TSPAN18: variants seen among roughly 807,000 people sequenced by gnomAD.
The protein encoded by TSPAN18 is tetraspanin 18.
In TSPAN18, 14 loss-of-function variants were observed where a neutral mutation model predicts 27.3. The ratio of observed to expected loss-of-function variants is 0.51; its 90% CI spans 0.34 to 0.80. TSPAN18 has a LOEUF of 0.80. Among genes scored for constraint, TSPAN18 ranks in the 30% least tolerant of loss-of-function variants. TSPAN18 has a pLI of 0.01. For missense variants in TSPAN18, 268 were observed against 323.9 expected (o/e 0.83, Z 1.32); for synonymous variants, 143 against 136.5 (o/e 1.05, Z -0.33).
chr11:44,814,099 G>A (rs911955066), intron 2 of TSPAN18, among the ~76,000 whole-genome samples: 36 of 152,210 alleles, frequency 2.4e-4, no homozygotes, highest in African/African-American at 4.3e-4. Context: ...GGTGGAAAAT[G>A]CCTCATTGTT....
intron 2 of TSPAN18, among the ~76,000 whole-genome samples, chr11:44,811,942 C>G (rs1856726342): frequency 6.6e-6 from 1 of 152,186 alleles, no homozygotes; most frequent in Non-Finnish European, 1.5e-5. Context: ...CAGCTCATTC[C>G]CCGGGATGAC....
chr11:44,861,446 G>A (rs1211190143), intron 3 of TSPAN18, among the ~76,000 whole-genome samples: 1 of 142,896 alleles, frequency 7.0e-6, no homozygotes, highest in African/African-American at 2.6e-5. Flanking sequence ...GGGACTGGTC[G>A]GTGCTGGGGT....
intron 8 of TSPAN18, chr11:44,925,884 G>A (rs12226141): frequency 0.28 from 42,390 of 152,074 alleles, 8,540 homozygotes; most frequent in African/African-American, 0.57. Flanking sequence ...TGAGGTGCTT[G>A]GGGTCAGAGG....
At chr11:44,807,527 C>CAAAAAAAAAAAAAAAAAAAAA (rs59241339) in intron 2 of TSPAN18, among the ~76,000 whole-genome samples, 1 of 64,482 alleles carries the variant, frequency 1.6e-5, no homozygotes, top group Non-Finnish European at 2.7e-5. Flanking sequence ...AACTCCATCT[C>CAAAAAAAAAAAAAAAAAAAAA]AAAAAAAAAA....
chr11:44,854,728 T>C (rs1023825911), intron 2 of TSPAN18, among the ~76,000 whole-genome samples: 15 of 152,188 alleles, frequency 9.9e-5, no homozygotes, highest in African/African-American at 3.6e-4. Flanking sequence ...AGGAGCCCTG[T>C]TTCTCACCTG....
Position 44,929,461 on chromosome 11 carries a change from G to T in TSPAN18, c.*283G>T. 2.2e-6 allele frequency: 1 copy of T among 452,488 alleles called. No individual in the cohort carries two copies. Among genetic ancestry groups the T allele is most frequent in the South Asian group, 3.8e-5 (1 of 26,420 alleles). The allele number at this position is 452,488 out of a possible 1,614,324, so 28.0% of individuals were successfully genotyped here. Reference sequence around the variant, plus strand: ...GATGCAGGCTGCTCTAGAGACCAAAGGAACACCAGGCCCAGCGCCCTCTTT... The same window carrying T: ...GATGCAGGCTGCTCTAGAGACCAAATGAACACCAGGCCCAGCGCCCTCTTT... On this transcript the variant is annotated 3_prime_UTR_variant, in exon 10 of 10. Transcript: ENST00000520358.
Position 44,919,969 on chromosome 11 carries a change from C to T in TSPAN18, c.585C>T (p.Leu195=), listed in dbSNP as rs200276331. ...DGVLLSREEC[L]LGRSLFLNKQ... is the part of the protein sequence containing the mutation. The stretch of plus-strand genomic sequence containing the variant: ...TCCTGCTGAGCCGGGAGGAGTGCCT[C>T]CTGGGAAGGAGCCTATTCCTAAACA... Residue 195 remains leucine, a synonymous_variant, in exon 8 of 10, where the codon CTC becomes CTT. Coordinates refer to ENST00000520358, the MANE Select transcript of TSPAN18 (RefSeq NM_130783.5). The T allele has an allele frequency of 2.5e-4, 404 of 1,613,812 alleles. 3 individuals carry two copies. The highest frequency in any genetic ancestry group is 3.7e-4 in the South Asian group (34 of 91,064).
At chr11:44,764,927 C>T (rs1466136967) in intron 2 of TSPAN18, among the ~76,000 whole-genome samples, 2 of 152,214 alleles carry the variant, frequency 1.3e-5, no homozygotes, top group Non-Finnish European at 2.9e-5. Context: ...TACCTTCCCT[C>T]TGCCCTCGAT....
chr11:44,908,581 A>G (rs1474779301), intron 4 of TSPAN18, among the ~76,000 whole-genome samples: 1 of 151,582 alleles, frequency 6.6e-6, no homozygotes, highest in Non-Finnish European at 1.5e-5. Context: ...AGAAAAATAC[A>G]AAAATTAGCC....
At chr11:44,811,169 CA>C (rs1565160287) in intron 2 of TSPAN18, among the ~76,000 whole-genome samples, 13 of 147,860 alleles carry the variant, frequency 8.8e-5, no homozygotes, top group South Asian at 2.2e-4. Flanking sequence ...CACACACACA[CA>C]CACACCCCTG....
intron 3 of TSPAN18, among the ~76,000 whole-genome samples, chr11:44,877,931 G>A (rs955544667): frequency 6.6e-6 from 1 of 151,860 alleles, no homozygotes; most frequent in Non-Finnish European, 1.5e-5. Context: ...CTGTACTGTG[G>A]ACAGGCACAT....
intron 3 of TSPAN18, among the ~76,000 whole-genome samples, chr11:44,861,312 C>G (rs1857875840): frequency 6.6e-6 from 1 of 151,654 alleles, no homozygotes; most frequent in East Asian, 1.9e-4. Context: ...ACACCTCTGC[C>G]CAATCACTGA....
At chr11:44,915,766 C>T (rs1169943834) in intron 5 of TSPAN18, among the ~76,000 whole-genome samples, 2 of 152,212 alleles carry the variant, frequency 1.3e-5, no homozygotes, top group Non-Finnish European at 2.9e-5. Context: ...CTCCAAAGAG[C>T]TCTGCACCTG....
chr11:44,867,356 G>T (rs946445411), intron 3 of TSPAN18, among the ~76,000 whole-genome samples: 2 of 151,806 alleles, frequency 1.3e-5, no homozygotes, highest in Non-Finnish European at 2.9e-5. Context: ...GCTGGGGAAG[G>T]GGGAGGTACT....
intron 2 of TSPAN18, among the ~76,000 whole-genome samples, chr11:44,806,873 G>A (rs1856604297): frequency 6.6e-6 from 1 of 152,162 alleles, no homozygotes; most frequent in Non-Finnish European, 1.5e-5. Context: ...CATGTGGTAT[G>A]TCAGACAATT....
At chr11:44,910,585 A>G (rs570736717) in intron 5 of TSPAN18, among the ~76,000 whole-genome samples, 1 of 152,362 alleles carries the variant, frequency 6.6e-6, no homozygotes, top group African/African-American at 2.4e-5. Flanking sequence ...AAACTCTAAT[A>G]TATAACTCCT....
chr11:44,738,901 A>G (rs530172281), intron 1 of TSPAN18, among the ~76,000 whole-genome samples: 21 of 152,312 alleles, frequency 1.4e-4, no homozygotes, highest in South Asian at 6.2e-4. Context: ...CCAAGGTCAC[A>G]TAGCTGCTGA....
At chr11:44,824,547 C>T (rs767559625) in intron 2 of TSPAN18, among the ~76,000 whole-genome samples, 13 of 152,334 alleles carry the variant, frequency 8.5e-5, no homozygotes, top group Non-Finnish European at 1.9e-4. Context: ...CACCCTGTGA[C>T]CTCCAAACAA....
At chr11:44,839,190 G>A (rs1331389632) in intron 2 of TSPAN18, among the ~76,000 whole-genome samples, 1 of 152,190 alleles carries the variant, frequency 6.6e-6, no homozygotes, top group Non-Finnish European at 1.5e-5. Context: ...ACATCTCTCT[G>A]AACATTTTGG....
Sources: allele counts gnomAD v4.1 joint callset (sites outside exome capture counted in the v4.1 genomes callset), GRCh38; gene constraint gnomAD v4.1.1; transcripts MANE v1.5; gene names NCBI Gene and HGNC (gene_info 2026-07-23, HGNC 2026-07-21).